The following ADARB2 variants were observed in gnomAD, a reference collection of about 807,000 sequenced individuals.
ADARB2 encodes adenosine deaminase RNA specific B2 (inactive).
Under a neutral mutation model 62.2 loss-of-function variants are expected in ADARB2, and 25 were observed. That is an observed-to-expected ratio of 0.40 (90% CI 0.29 to 0.56). The LOEUF is 0.56. Among genes scored for constraint, ADARB2 ranks in the 20% least tolerant of loss-of-function variants. The probability of loss-of-function intolerance (pLI) is 0.43; values close to 1 mark genes in which losing one functional copy is unlikely to be tolerated. For synonymous variants in ADARB2, 572 were observed against 500.8 expected (o/e 1.14, Z -1.90); for missense variants, 1,071 against 1,077.4 (o/e 0.99, Z 0.08).
chr10:1,650,104 G>A (rs1333515244), intron 1 of ADARB2, among the ~76,000 whole-genome samples: 2 of 152,180 alleles, frequency 1.3e-5, no homozygotes, highest in South Asian at 2.1e-4. Context: ...CATGGTGGAC[G>A]CTTGCCATAA....
chr10:1,631,275 G>T (rs1336730707), intron 1 of ADARB2, among the ~76,000 whole-genome samples: 1 of 151,984 alleles, frequency 6.6e-6, no homozygotes, highest in Non-Finnish European at 1.5e-5. Flanking sequence ...ATTCAATGAG[G>T]CCTGTAGAGC....
chr10:1,548,304 A>G lies in ADARB2; in HGVS notation c.101-169144T>C, dbSNP rs550178556. Among the ~76,000 whole-genome samples the G allele has an allele frequency of 7.2e-5, 11 of 152,310 alleles. No homozygotes were observed. In the South Asian group the frequency reaches 2.3e-3, roughly 32 times the overall value. On this transcript the variant is annotated intron_variant, in intron 1 of 9. Coordinates refer to ENST00000381312, the MANE Select transcript of ADARB2 (RefSeq NM_018702.4). ...GCCTGGATTCTCCTTGTTGTCACCC[A>G]GGCTCCCCTCCCTTCGCTGGTGACA...
rs539620054 is a variant in ADARB2 at position 1,447,319 on chromosome 10, G to T, written c.101-68159C>A. Among the ~76,000 whole-genome samples, 13 of 152,288 alleles carry T rather than the reference G, an allele frequency of 8.5e-5. No individual in the cohort carries two copies. The East Asian group carries it at 2.5e-3, about 29-fold the overall frequency. On this transcript the variant is annotated intron_variant, in intron 1 of 9. Transcript: ENST00000381312. The stretch of plus-strand genomic sequence containing the variant: ...TCTTTAGGTTTCAGTTTTCTCATCT[G>T]TAAAATGGGATTTTTATATCTCTTT...
intron 1 of ADARB2, among the ~76,000 whole-genome samples, chr10:1,461,664 T>C (rs1831176523): frequency 7.6e-6 from 1 of 131,200 alleles, no homozygotes; most frequent in South Asian, 2.3e-4. Flanking sequence ...TTCTTAATCT[T>C]TTTTTTTTCC....
At chr10:1,714,160 G>A (rs1834986409) in intron 1 of ADARB2, among the ~76,000 whole-genome samples, 1 of 152,194 alleles carries the variant, frequency 6.6e-6, no homozygotes, top group African/African-American at 2.4e-5. Flanking sequence ...AAAAATTGAC[G>A]CCAGGATTTG....
intron 1 of ADARB2, among the ~76,000 whole-genome samples, chr10:1,427,763 A>G (rs950271525): frequency 9.2e-5 from 14 of 152,248 alleles, no homozygotes; most frequent in Non-Finnish European, 1.8e-4. Flanking sequence ...GTTTGCATAA[A>G]AAACTGTACA....
intron 4 of ADARB2, among the ~76,000 whole-genome samples, chr10:1,262,319 T>TAATAATAATAAA (rs1208834714): frequency 7.2e-6 from 1 of 138,570 alleles, no homozygotes; most frequent in African/African-American, 3.0e-5. Context: ...ATAATAATAA[T>TAATAATAATAAA]AAAAGAAACC....
At chr10:1,368,379 C>A (rs1224575332) in intron 2 of ADARB2, among the ~76,000 whole-genome samples, 1 of 152,140 alleles carries the variant, frequency 6.6e-6, no homozygotes, top group Non-Finnish European at 1.5e-5. Context: ...GTGGGGCAGA[C>A]ACTTCTCATC....
chr10:1,402,469 C>G (rs1311035321), intron 1 of ADARB2, among the ~76,000 whole-genome samples: 2 of 152,146 alleles, frequency 1.3e-5, no homozygotes, highest in African/African-American at 4.8e-5. Context: ...ATAAAGGAAG[C>G]CACTTAGCTC....
At chr10:1,591,319 T>G (rs1376292779) in intron 1 of ADARB2, among the ~76,000 whole-genome samples, 1 of 152,180 alleles carries the variant, frequency 6.6e-6, no homozygotes, top group African/African-American at 2.4e-5. Flanking sequence ...GCCATCCCCT[T>G]CCTTCTTTCC....
intron 1 of ADARB2, among the ~76,000 whole-genome samples, chr10:1,559,140 A>G (rs10903487): frequency 0.23 from 35,508 of 152,178 alleles, 4,359 homozygotes; most frequent in African/African-American, 0.26. Flanking sequence ...TCCAAGCTCA[A>G]GAGAGAATGA....
At chr10:1,674,932 T>G in intron 1 of ADARB2, 1 of 982,296 alleles carries the variant, frequency 1.0e-6, no homozygotes. Context: ...GCATGGATGT[T>G]CTGGAGGTTT....
intron 1 of ADARB2, among the ~76,000 whole-genome samples, chr10:1,722,221 A>ATTTGGGGCACTGGTCAC (rs1311306550): frequency 1.3e-5 from 2 of 152,160 alleles, no homozygotes; most frequent in African/African-American, 4.8e-5. Context: ...TTAAATTGAC[A>ATTTGGGGCACTGGTCAC]TTTGGGGCAC....
chr10:1,577,955 G>T (rs928459718), intron 1 of ADARB2, among the ~76,000 whole-genome samples: 2 of 152,228 alleles, frequency 1.3e-5, no homozygotes, highest in African/African-American at 4.8e-5. Flanking sequence ...AGAAGACAGT[G>T]GCTGCAAGCC....
chr10:1,662,264 G>A (rs185785073), intron 1 of ADARB2, among the ~76,000 whole-genome samples: 2 of 152,202 alleles, frequency 1.3e-5, no homozygotes, highest in Admixed American at 6.5e-5. Context: ...ACGGGTTTGA[G>A]GAGGAATTCA....
rs142875907 is a variant in ADARB2 at position 1,392,756 on chromosome 10, C to A, written c.101-13596G>T. 4.5e-3 allele frequency among the ~76,000 whole-genome samples: 687 copies of A among 152,240 alleles called. 3 individuals are homozygous for A. Among genetic ancestry groups the A allele is most frequent in the Middle Eastern group, 0.01 (3 of 294 alleles). ...GATTCTTTTGGTGAATGTTTCCTGGCAATTTCAGAGATGGATTCATAGGTT... is the reference window on the plus strand; with the variant it reads ...GATTCTTTTGGTGAATGTTTCCTGGAAATTTCAGAGATGGATTCATAGGTT... On this transcript the variant is annotated intron_variant, in intron 1 of 9. Coordinates refer to ENST00000381312, the MANE Select transcript of ADARB2 (RefSeq NM_018702.4).
intron 1 of ADARB2, among the ~76,000 whole-genome samples, chr10:1,609,548 C>T (rs950069345): frequency 6.6e-6 from 1 of 152,252 alleles, no homozygotes; most frequent in African/African-American, 2.4e-5. Flanking sequence ...GAGAAACCTT[C>T]GGTCCTAAGC....
At chr10:1,295,350 G>A (rs989515298) in intron 3 of ADARB2, among the ~76,000 whole-genome samples, 12 of 152,282 alleles carry the variant, frequency 7.9e-5, no homozygotes, top group African/African-American at 2.9e-4. Context: ...ATATGCTGGG[G>A]TTACAGGTAT....
chr10:1,639,112 A>T (rs1479648460), intron 1 of ADARB2, among the ~76,000 whole-genome samples: 2 of 152,238 alleles, frequency 1.3e-5, no homozygotes, highest in East Asian at 1.9e-4. Context: ...AAGCTGGAGC[A>T]CTTCAGGAGA....
Sources: gnomAD v4.1 joint callset for allele counts (sites outside exome capture counted in the v4.1 genomes callset) on GRCh38, gnomAD v4.1.1 for gene constraint, MANE v1.5 for transcripts, NCBI Gene and HGNC (gene_info 2026-07-23, HGNC 2026-07-21) for gene names.